SPATA13: variants seen among roughly 807,000 people sequenced by gnomAD.
The protein encoded by SPATA13 is spermatogenesis associated 13.
Under a neutral mutation model 104.0 loss-of-function variants are expected in SPATA13, and 50 were observed. The observed-to-expected ratio is 0.48, with a 90% CI of 0.38 to 0.61. SPATA13 has a LOEUF of 0.61. Among genes scored for constraint, SPATA13 ranks in the 20% least tolerant of loss-of-function variants. The probability of loss-of-function intolerance (pLI) is 0.00; values close to 1 mark genes in which losing one functional copy is unlikely to be tolerated. For synonymous variants in SPATA13, 606 were observed against 667.5 expected (o/e 0.91, Z 1.42); for missense variants, 1,524 against 1,690.6 (o/e 0.90, Z 1.73).
chr13:24,070,124 C>T (rs181211860), intron 3 of SPATA13, among the ~76,000 whole-genome samples: 152 of 152,314 alleles, frequency 1.0e-3, no homozygotes, highest in Non-Finnish European at 1.9e-3. Flanking sequence ...GCTTGGAGTA[C>T]AGAGTTCAGG....
At chr13:23,982,490 G>T (rs184817858) in intron 1 of SPATA13, among the ~76,000 whole-genome samples, 11 of 152,070 alleles carry the variant, frequency 7.2e-5, no homozygotes, top group Admixed American at 7.2e-4. Flanking sequence ...AAACTTTACC[G>T]GACTGATGAA....
intron 3 of SPATA13, among the ~76,000 whole-genome samples, chr13:24,146,746 G>A (rs537912605): frequency 5.3e-5 from 8 of 152,272 alleles, no homozygotes; most frequent in African/African-American, 1.7e-4. Context: ...TGTGTCTAAA[G>A]CATTTTCCAT....
intron 1 of SPATA13, among the ~76,000 whole-genome samples, chr13:24,202,450 G>C (rs1437350182): frequency 6.6e-6 from 1 of 151,592 alleles, no homozygotes; most frequent in Admixed American, 6.6e-5. Context: ...GAACGAGTGT[G>C]TGCTTGGGCG....
At chr13:24,055,237 A>T (rs1010213479) in intron 3 of SPATA13, among the ~76,000 whole-genome samples, 1 of 152,230 alleles carries the variant, frequency 6.6e-6, no homozygotes, top group Non-Finnish European at 1.5e-5. Flanking sequence ...TGTTGTTCTT[A>T]AATTGCTTCC....
chr13:24,210,420 C>T (rs1870947756), intron 1 of SPATA13, among the ~76,000 whole-genome samples: 2 of 152,082 alleles, frequency 1.3e-5, no homozygotes, highest in African/African-American at 4.8e-5. Context: ...AAGTTTAAGT[C>T]TTTAATTCAT....
rs750078906 is a variant in SPATA13, at chr13:24,224,296, A to G, written c.1367A>G (p.Asp456Gly). The G allele has an allele frequency of 9.6e-5, 149 of 1,551,514 alleles. No homozygotes were observed. Among genetic ancestry groups the G allele is most frequent in the Non-Finnish European group, 1.2e-4 (132 of 1,146,990 alleles). ...AACGCTGGCAGCCAGTTGACATTTG[A>G]CCCTGAGCAGCCTCCCACCCCTCTA... ...DPNAGSQLTF[D>G]PEQPPTPLRP... Residue 456 changes from aspartate (D) to glycine (G), a missense_variant, in exon 2 of 13, where the codon GAC (aspartate) becomes GGC (glycine). Physicochemically the swap from Asp to Gly is moderately conservative, Grantham distance 94. Coordinates refer to ENST00000382108, the MANE Select transcript of SPATA13 (RefSeq NM_001166271.3).
chr13:24,126,111 T>A (rs967749856), intron 3 of SPATA13, among the ~76,000 whole-genome samples: 8 of 152,144 alleles, frequency 5.3e-5, no homozygotes, highest in Non-Finnish European at 2.9e-5. Context: ...AGCATCTTCC[T>A]CCACTCCCAG....
At chr13:24,229,020 C>A (rs1038863297) in intron 2 of SPATA13, among the ~76,000 whole-genome samples, 1 of 152,214 alleles carries the variant, frequency 6.6e-6, no homozygotes, top group Non-Finnish European at 1.5e-5. Flanking sequence ...CTCCTGCCAC[C>A]TAGTGGTAAG....
intron 2 of SPATA13, among the ~76,000 whole-genome samples, chr13:24,240,583 G>C (rs1298614517): frequency 1.3e-5 from 2 of 152,124 alleles, no homozygotes; most frequent in African/African-American, 4.8e-5. Context: ...TTAAACTGAA[G>C]AAGAGCTCAG....
At chr13:24,202,348 G>T (rs1018364293) in intron 1 of SPATA13, among the ~76,000 whole-genome samples, 1 of 151,864 alleles carries the variant, frequency 6.6e-6, no homozygotes, top group Non-Finnish European at 1.5e-5. Flanking sequence ...CAGCCACACC[G>T]AGTAGATGGC....
intron 4 of SPATA13, chr13:24,254,201 G>GTCTGATTC (rs767342041): frequency 0.19 from 29,590 of 152,196 alleles, 3,848 homozygotes; most frequent in African/African-American, 0.37. Flanking sequence ...CTGTGGCCAG[G>GTCTGATTC]ACTGTGAACT....
rs932565742 is a variant in SPATA13 at position 24,289,188 on chromosome 13, C to A, written c.2847+10C>A. 7 of 1,597,824 alleles carry A rather than the reference C, an allele frequency of 4.4e-6. No homozygotes were observed. The highest frequency in any genetic ancestry group is 1.1e-5 in the South Asian group (1 of 87,448). ...TTGCTTTCTTCAAAATGTGCGTCACCCTTTACTTCATTATTAATAACATCT... is the reference window on the plus strand; with the variant it reads ...TTGCTTTCTTCAAAATGTGCGTCACACTTTACTTCATTATTAATAACATCT... On this transcript the variant is annotated intron_variant, in intron 8 of 12. Coordinates refer to ENST00000382108, the MANE Select transcript of SPATA13 (RefSeq NM_001166271.3).
intron 3 of SPATA13, chr13:24,122,900 C>T: frequency 1.3e-6 from 1 of 775,606 alleles, no homozygotes; most frequent in East Asian, 2.4e-5. Flanking sequence ...AGCAGATTCC[C>T]TCGAGCTGTT....
intron 3 of SPATA13, among the ~76,000 whole-genome samples, chr13:24,082,849 A>AC (rs1254226354): frequency 4.6e-5 from 7 of 150,994 alleles, no homozygotes; most frequent in Non-Finnish European, 7.4e-5. Context: ...AAAAAAAAAA[A>AC]AAAAATAAGA....
intron 3 of SPATA13, among the ~76,000 whole-genome samples, chr13:24,127,402 C>T (rs1881254167): frequency 6.6e-6 from 1 of 152,204 alleles, no homozygotes; most frequent in Non-Finnish European, 1.5e-5. Context: ...CCTCCAGTTC[C>T]CTGCCTGGGC....
Position 24,249,817 on chromosome 13 carries a change from A to G in SPATA13, c.1994A>G (p.Glu665Gly). 1 of 1,609,426 alleles carries G rather than the reference A, an allele frequency of 6.2e-7. No homozygotes were observed. The highest frequency in any genetic ancestry group is 8.5e-7 in the Non-Finnish European group (1 of 1,177,720). The change falls in exon 3 of 13, where the codon GAG (glutamate) becomes GGG (glycine). Residue 665 changes from glutamate to glycine, a missense_variant. By Grantham distance (98) the Glu-to-Gly change is moderately conservative. Coordinates refer to ENST00000382108, the MANE Select transcript of SPATA13 (RefSeq NM_001166271.3). ...AGCTTGTATGGGACCAACCAGACGG[A>G]GGAACTGGACAATCTTCTGACCCAA... ...GVSLYGTNQT[E>G]ELDNLLTQPA...
chr13:24,223,043 C>G lies in SPATA13; in HGVS notation c.114C>G (p.Asp38Glu). 1 of 1,551,728 alleles carries G rather than the reference C, an allele frequency of 6.4e-7. No individual in the cohort carries two copies. Among genetic ancestry groups the G allele is most frequent in the South Asian group, 1.2e-5 (1 of 84,068 alleles). Reference protein sequence around the residue: ...AAPCAGSDLKDAKMVTSLACG... With the variant: ...AAPCAGSDLKEAKMVTSLACG... The stretch of plus-strand genomic sequence containing the variant: ...CCTGTGCAGGCTCGGACCTGAAAGA[C>G]GCCAAGATGGTGACCTCCCTTGCGT... The change falls in exon 2 of 13, where the codon GAC becomes GAG. Residue 38 changes from aspartate (D) to glutamate (E), a missense_variant. This residue lies in a region of SPATA13 where 1,089 missense variants were observed against 1,135.9 expected (regional missense o/e 0.96). Coordinates refer to ENST00000382108, the MANE Select transcript of SPATA13 (RefSeq NM_001166271.3).
rs35793500 is a variant in SPATA13, at chr13:24,294,781, T to G, written c.3123T>G (p.Asn1041Lys). The G allele has an allele frequency of 1.5e-5, 24 of 1,609,352 alleles. No individual in the cohort carries two copies. Among genetic ancestry groups the G allele is most frequent in the East Asian group, 2.2e-5 (1 of 44,726 alleles). The change falls in exon 10 of 13, where the codon AAT becomes AAG. Residue 1041 changes from asparagine to lysine, a missense_variant. Transcript: ENST00000382108. ...NIKAAYEAMK[N>K]VACLINERKR... is the part of the protein sequence containing the mutation. ...AGGCAGCATATGAGGCCATGAAGAA[T>G]GTGGCCTGTCTGATCAACGAGCGCA...
chr13:24,178,698 T>TA (rs756303772), intron 1 of SPATA13, among the ~76,000 whole-genome samples: 2 of 152,222 alleles, frequency 1.3e-5, no homozygotes, highest in Non-Finnish European at 2.9e-5. Context: ...TTCTGCCTGT[T>TA]ACCACCTTCT....
Sources: allele counts gnomAD v4.1 joint callset (sites outside exome capture counted in the v4.1 genomes callset), GRCh38; gene constraint gnomAD v4.1.1; regional missense constraint gnomAD v4.1.1; transcripts MANE v1.5; gene names NCBI Gene and HGNC (gene_info 2026-07-23, HGNC 2026-07-21).